RNF150: variants seen among roughly 807,000 people sequenced by gnomAD.
RNF150 encodes the protein ring finger protein 150.
In RNF150, 24 loss-of-function variants were observed where a neutral mutation model predicts 39.3. The observed-to-expected ratio is 0.61, with a 90% CI of 0.44 to 0.86. RNF150 has a LOEUF of 0.86. Ranked by LOEUF, RNF150 falls within the 40% of genes least tolerant of loss-of-function variation. The probability of loss-of-function intolerance (pLI) is 0.00; values close to 1 mark genes in which losing one functional copy is unlikely to be tolerated. For synonymous variants in RNF150, 255 were observed against 227.3 expected (o/e 1.12, Z -1.10); for missense variants, 502 against 587.8 (o/e 0.85, Z 1.51).
intron 1 of RNF150, among the ~76,000 whole-genome samples, chr4:141,008,303 T>C (rs1178470336): frequency 6.6e-6 from 1 of 152,204 alleles, no homozygotes; most frequent in Non-Finnish European, 1.5e-5. Flanking sequence ...CTAATTTGTA[T>C]CCATTCTTTA....
At chr4:141,205,047 A>C (rs1728352975) in intron 1 of RNF150, among the ~76,000 whole-genome samples, 1 of 152,220 alleles carries the variant, frequency 6.6e-6, no homozygotes, top group South Asian at 2.1e-4. Flanking sequence ...TACATCAAAT[A>C]AATATTGACA....
chr4:141,017,394 T>C (rs748271081), intron 1 of RNF150, among the ~76,000 whole-genome samples: 5 of 152,112 alleles, frequency 3.3e-5, no homozygotes, highest in South Asian at 4.1e-4. Context: ...AGTTCCCACA[T>C]AGTCCCCCTT....
chr4:141,097,159 AT>A (rs200372446), intron 1 of RNF150, among the ~76,000 whole-genome samples: 13 of 150,352 alleles, frequency 8.6e-5, no homozygotes, highest in Admixed American at 1.3e-4. Context: ...GTTGTTTGGG[AT>A]TTTTTTTTTA....
intron 1 of RNF150, among the ~76,000 whole-genome samples, chr4:140,989,600 T>C (rs182816362): frequency 6.6e-6 from 1 of 152,326 alleles, no homozygotes; most frequent in Admixed American, 6.5e-5. Context: ...ACTGATGTCA[T>C]TTTGCAGAAA....
intron 2 of RNF150, among the ~76,000 whole-genome samples, chr4:140,955,114 C>T (rs914132739): frequency 5.3e-5 from 8 of 152,150 alleles, no homozygotes; most frequent in Non-Finnish European, 1.0e-4. Context: ...ACGTTTTCTT[C>T]GTGCACTCTA....
intron 1 of RNF150, among the ~76,000 whole-genome samples, chr4:141,170,657 T>C (rs542675400): frequency 4.2e-4 from 64 of 152,260 alleles, no homozygotes; most frequent in African/African-American, 1.5e-3. Context: ...AAATTATACA[T>C]CCATTATAGT....
chr4:140,920,677 C>A (rs1343047219), intron 5 of RNF150, among the ~76,000 whole-genome samples: 2 of 151,826 alleles, frequency 1.3e-5, no homozygotes, highest in East Asian at 3.9e-4. Context: ...CCCAGCCATC[C>A]CATTACTGGG....
intron 1 of RNF150, among the ~76,000 whole-genome samples, chr4:141,037,949 C>T (rs1736206215): frequency 6.6e-6 from 1 of 152,142 alleles, no homozygotes; most frequent in Admixed American, 6.6e-5. Flanking sequence ...CAATCATATA[C>T]ACTAACATGT....
chr4:140,917,525 C>T (rs145904105), intron 5 of RNF150, among the ~76,000 whole-genome samples: 1 of 152,150 alleles, frequency 6.6e-6, no homozygotes, highest in Non-Finnish European at 1.5e-5. Context: ...TACAGGAGCA[C>T]CCAGATTCAT....
intron 1 of RNF150, among the ~76,000 whole-genome samples, chr4:141,194,364 G>A (rs1728162506): frequency 6.6e-6 from 1 of 152,082 alleles, no homozygotes; most frequent in Non-Finnish European, 1.5e-5. Context: ...TAGTTACTTA[G>A]GCATTACATT....
chr4:141,147,043 C>T (rs994407544), intron 1 of RNF150, among the ~76,000 whole-genome samples: 1 of 152,160 alleles, frequency 6.6e-6, no homozygotes, highest in Admixed American at 6.5e-5. Context: ...CCACTGCAAC[C>T]TCCCGTGCTC....
intron 1 of RNF150, among the ~76,000 whole-genome samples, chr4:141,062,403 A>C (rs1210772083): frequency 6.6e-6 from 1 of 152,146 alleles, no homozygotes; most frequent in African/African-American, 2.4e-5. Context: ...ACACACACGC[A>C]CATACAGTAG....
intron 1 of RNF150, among the ~76,000 whole-genome samples, chr4:141,029,183 T>C (rs1735832056): frequency 6.6e-6 from 1 of 152,190 alleles, no homozygotes; most frequent in Non-Finnish European, 1.5e-5. Flanking sequence ...ATTGCACATA[T>C]TTCCTAGAAA....
chr4:140,878,079 CT>C (rs1729227104), intron 6 of RNF150, among the ~76,000 whole-genome samples: 1 of 150,902 alleles, frequency 6.6e-6, no homozygotes, highest in African/African-American at 2.4e-5. Context: ...CCCATCAACA[CT>C]TACTATTTTG....
Position 141,132,636 on chromosome 4 carries a change from C to A in RNF150, c.173G>T (p.Gly58Val). The A allele has an allele frequency of 6.3e-7, 1 of 1,586,544 alleles. No individual in the cohort carries two copies. The highest frequency in any genetic ancestry group is 8.5e-7 in the Non-Finnish European group (1 of 1,170,112). Residue 58 changes from glycine to valine, a missense_variant, in exon 1 of 7, where the codon GGG becomes GTG. Physicochemically the swap from Gly to Val is moderately radical, Grantham distance 109 (BLOSUM62 -3). Coordinates refer to ENST00000515673, the MANE Select transcript of RNF150 (RefSeq NM_020724.2). The surrounding 1 kb of genome is among the most constrained non-coding windows in gnomAD (Gnocchi z 4.9). ...YAEPAPDPGA[G>V]AAGGGGAELH... is the part of the protein sequence containing the mutation. ...CTCCGCGCCGCCGCCGCCCGCCGCCCCGGCCCCGGGGTCCGGCGCGGGCTC... is the reference window on the plus strand; with the variant it reads ...CTCCGCGCCGCCGCCGCCCGCCGCCACGGCCCCGGGGTCCGGCGCGGGCTC...
chr4:141,008,502 A>T (rs1734951947), intron 1 of RNF150, among the ~76,000 whole-genome samples: 1 of 152,198 alleles, frequency 6.6e-6, no homozygotes, highest in African/African-American at 2.4e-5. Context: ...CTAAGGTTAC[A>T]AAATATACAC....
At chr4:141,211,342 C>T (rs12108258) in intron 1 of RNF150, among the ~76,000 whole-genome samples, 4,974 of 152,164 alleles carry the variant, frequency 0.033, 275 homozygotes, top group African/African-American at 0.11. Flanking sequence ...GATACACCTA[C>T]GCTTGCTATT....
intron 1 of RNF150, among the ~76,000 whole-genome samples, chr4:141,089,540 T>C (rs1738498503): frequency 6.6e-6 from 1 of 152,174 alleles, no homozygotes; most frequent in Non-Finnish European, 1.5e-5. Context: ...TCCTGGGGAC[T>C]TACAAGTAGA....
chr4:141,155,020 C>T (rs1727360404), intron 1 of RNF150, among the ~76,000 whole-genome samples: 1 of 152,176 alleles, frequency 6.6e-6, no homozygotes, highest in Admixed American at 6.5e-5. Context: ...TCTTCATAAA[C>T]AATCCTCTTT....
Sources: gnomAD v4.1 joint callset for allele counts (sites outside exome capture counted in the v4.1 genomes callset) on GRCh38, gnomAD v4.1.1 for gene constraint, Gnocchi (gnomAD v3.1) non-coding constraint, MANE v1.5 for transcripts, NCBI Gene and HGNC (gene_info 2026-07-23, HGNC 2026-07-21) for gene names.